The following EPHA7 variants were observed in gnomAD, a reference collection of about 807,000 sequenced individuals.
The protein encoded by EPHA7 is EPH receptor A7, also known as ephrin type-A receptor 7.
EPHA7 carries 25 observed loss-of-function variants against 112.6 expected under a neutral mutation model. That is an observed-to-expected ratio of 0.22 (90% CI 0.16 to 0.31). The LOEUF (loss-of-function observed/expected upper bound fraction) is 0.31. EPHA7 is among the 10% of genes least tolerant of loss of function. The pLI, the probability that EPHA7 is intolerant of heterozygous loss-of-function variation, is 1.00. For missense variants in EPHA7, 962 were observed against 1,212.6 expected, an observed-to-expected ratio of 0.79 and a Z score of 3.07; for synonymous variants, 437 against 406.5, an observed-to-expected ratio of 1.07 and a Z score of -0.90.
At chr6:93,296,959 CCAAA>C (rs982473396) in intron 5 of EPHA7, among the ~76,000 whole-genome samples, 3 of 151,774 alleles carry the variant, frequency 2.0e-5, no homozygotes, top group Non-Finnish European at 4.4e-5. Flanking sequence ...TGTCACAAAA[CCAAA>C]CAAACAGGTC....
At chr6:93,386,320 T>C (rs1299986630) in intron 3 of EPHA7, among the ~76,000 whole-genome samples, 1 of 152,180 alleles carries the variant, frequency 6.6e-6, no homozygotes, top group East Asian at 1.9e-4. Context: ...AATAAACCCA[T>C]TCCAAATGGA....
chr6:93,405,783 ATGTGTG>A (rs371052750), intron 3 of EPHA7, among the ~76,000 whole-genome samples: 1,083 of 94,894 alleles, frequency 0.011, 9 homozygotes, highest in African/African-American at 0.014. Context: ...TTCTGTATAT[ATGTGTG>A]TGTGTGTGTG....
At chr6:93,337,586 TA>T (rs1045416735) in intron 5 of EPHA7, among the ~76,000 whole-genome samples, 1 of 152,124 alleles carries the variant, frequency 6.6e-6, no homozygotes, top group African/African-American at 2.4e-5. Context: ...TGTTGAAACA[TA>T]TTCAGTAGAT....
chr6:93,308,142 C>T (rs1294324114), intron 5 of EPHA7, among the ~76,000 whole-genome samples: 1 of 152,210 alleles, frequency 6.6e-6, no homozygotes, highest in Non-Finnish European at 1.5e-5. Flanking sequence ...TCATGAGATG[C>T]TGACCATTTT....
chr6:93,321,477 T>A (rs1242329800), intron 5 of EPHA7, among the ~76,000 whole-genome samples: 1 of 151,952 alleles, frequency 6.6e-6, no homozygotes, highest in African/African-American at 2.4e-5. Context: ...ATGACTGAGC[T>A]CACTAATTAG....
intron 5 of EPHA7, among the ~76,000 whole-genome samples, chr6:93,284,220 C>T (rs542539084): frequency 2.4e-4 from 37 of 152,126 alleles, no homozygotes; most frequent in African/African-American, 8.9e-4. Flanking sequence ...TTTTCCAGGC[C>T]TAAAACCCAT....
At chr6:93,405,785 G>A (rs1447810015) in intron 3 of EPHA7, among the ~76,000 whole-genome samples, 10 of 47,396 alleles carry the variant, frequency 2.1e-4, no homozygotes, top group African/African-American at 2.7e-4. Context: ...CTGTATATAT[G>A]TGTGTGTGTG....
intron 13 of EPHA7, 132 bp from the exon 14 acceptor site, chr6:93,254,928 T>G: frequency 3.4e-5 from 20 of 594,120 alleles, no homozygotes; most frequent in Non-Finnish European, 5.3e-5. Context: ...CTTGAATCTC[T>G]ATGCGTATTT....
At chr6:93,386,215 T>C (rs545895902) in intron 3 of EPHA7, among the ~76,000 whole-genome samples, 3 of 152,240 alleles carry the variant, frequency 2.0e-5, no homozygotes, top group African/African-American at 4.8e-5. Context: ...CAAAGTCTCA[T>C]CTGAAACAAG....
At chr6:93,341,939 C>T (rs558521685) in intron 5 of EPHA7, among the ~76,000 whole-genome samples, 1 of 151,786 alleles carries the variant, frequency 6.6e-6, no homozygotes, top group South Asian at 2.1e-4. Flanking sequence ...GGCATACTTT[C>T]AAGATTTGGA....
chr6:93,347,818 AT>A (rs1242584689), intron 5 of EPHA7, among the ~76,000 whole-genome samples: 2 of 151,850 alleles, frequency 1.3e-5, no homozygotes, highest in Non-Finnish European at 2.9e-5. Context: ...GGGCTTCAGC[AT>A]AGGAATTTTG....
intron 5 of EPHA7, among the ~76,000 whole-genome samples, chr6:93,326,659 G>C (rs1004794688): frequency 6.6e-6 from 1 of 151,386 alleles, no homozygotes; most frequent in Non-Finnish European, 1.5e-5. Flanking sequence ...TAGATCCTGG[G>C]ATCCCATCAT....
chr6:93,355,093 G>C (rs562961114), intron 5 of EPHA7, among the ~76,000 whole-genome samples: 1 of 152,054 alleles, frequency 6.6e-6, no homozygotes, highest in Admixed American at 6.6e-5. Context: ...ACTATCTTAT[G>C]ACAACAGCAT....
At chr6:93,396,751 T>C (rs1397615689) in intron 3 of EPHA7, among the ~76,000 whole-genome samples, 3 of 151,768 alleles carry the variant, frequency 2.0e-5, no homozygotes, top group African/African-American at 4.8e-5. Flanking sequence ...TATAACAATA[T>C]ATTTGCACAT....
chr6:93,288,814 A>T (rs568549492), intron 5 of EPHA7, among the ~76,000 whole-genome samples: 1 of 152,272 alleles, frequency 6.6e-6, no homozygotes, highest in East Asian at 1.9e-4. Context: ...AGTAAAATCC[A>T]TCTCTTATGT....
At chr6:93,292,200 C>G (rs1342051910) in intron 5 of EPHA7, among the ~76,000 whole-genome samples, 1 of 152,090 alleles carries the variant, frequency 6.6e-6, no homozygotes, top group Non-Finnish European at 1.5e-5. Context: ...TCATTTTGTC[C>G]AAGTTGCTAA....
chr6:93,318,756 G>A (rs1415258270), intron 5 of EPHA7, among the ~76,000 whole-genome samples: 1 of 151,956 alleles, frequency 6.6e-6, no homozygotes, highest in Non-Finnish European at 1.5e-5. Flanking sequence ...AAAGAAGGCA[G>A]CAATCATTTG....
intron 3 of EPHA7, among the ~76,000 whole-genome samples, chr6:93,393,075 C>T (rs1220083812): frequency 6.6e-6 from 1 of 151,800 alleles, no homozygotes; most frequent in East Asian, 1.9e-4. Context: ...TAATTGCAAT[C>T]AACTTTGAAT....
intron 3 of EPHA7, among the ~76,000 whole-genome samples, chr6:93,364,808 A>G (rs1776428737): frequency 6.6e-6 from 1 of 152,130 alleles, no homozygotes; most frequent in African/African-American, 2.4e-5. Flanking sequence ...TTATCAAGGT[A>G]TTGTTTTAAC....
Sources: allele counts gnomAD v4.1 joint callset (sites outside exome capture counted in the v4.1 genomes callset), GRCh38; gene constraint gnomAD v4.1.1; transcripts MANE v1.5; gene names NCBI Gene and HGNC (gene_info 2026-07-23, HGNC 2026-07-21).